The following FGF14 variants were observed in gnomAD, a reference collection of about 807,000 sequenced individuals.
FGF14 encodes the protein fibroblast growth factor homologous factor 4.
A neutral mutation model predicts 25.5 loss-of-function variants in FGF14; 5 were observed. The ratio of observed to expected loss-of-function variants is 0.20; its 90% CI spans 0.10 to 0.41. The LOEUF is 0.41. Among genes scored for constraint, FGF14 ranks in the 10% least tolerant of loss-of-function variants. FGF14 has a pLI of 1.00. For missense variants in FGF14, 222 were observed against 320.1 expected, an observed-to-expected ratio of 0.69 and a Z score of 2.34; for synonymous variants, 138 against 118.3, an observed-to-expected ratio of 1.17 and a Z score of -1.08.
At chr13:101,986,358 C>T (rs74983113) in intron 1 of FGF14, among the ~76,000 whole-genome samples, 4,755 of 152,184 alleles carry the variant, frequency 0.031, 228 homozygotes, top group African/African-American at 0.11. Context: ...AAAGCTATGA[C>T]ACAATAATAG....
rs2034679819 is a variant in FGF14, at chr13:101,715,545, A to G, written c.*7286T>C. Reference sequence around the variant, plus strand: ...CATTTTGATCATAATCATGATACCTATATGTATTTTATTGCAGGGAATGGA... The same window carrying G: ...CATTTTGATCATAATCATGATACCTGTATGTATTTTATTGCAGGGAATGGA... On this transcript the variant is annotated 3_prime_UTR_variant, in exon 5 of 5. Transcript: ENST00000376143. The G allele has an allele frequency of 1.2e-5, 18 of 1,544,316 alleles. No homozygotes were observed. In the East Asian group the frequency reaches 2.0e-4, roughly 17 times the overall value.
In FGF14 at chr13:102,278,627, AATATAT is replaced by A. The variant is rs10578533; in HGVS notation, c.208+122838_208+122843del. Among the ~76,000 whole-genome samples, 449 of 147,514 alleles carry A rather than the reference AATATAT, an allele frequency of 3.0e-3. 1 individual carries two copies. Among genetic ancestry groups the A allele is most frequent in the Middle Eastern group, 0.01 (3 of 288 alleles). Reference sequence around the variant, plus strand: ...GTGTCACTCTACATACATTTTATGTAATATATATATATATATATACATACACACACA... The same window carrying A: ...GTGTCACTCTACATACATTTTATGTAATATATATATATACATACACACACA... On this transcript the variant is annotated intron_variant, in intron 1 of 4. Transcript: ENST00000376131.
At chr13:102,158,956 T>C (rs950719998) in intron 1 of FGF14, among the ~76,000 whole-genome samples, 1 of 151,598 alleles carries the variant, frequency 6.6e-6, no homozygotes, top group Admixed American at 6.6e-5. Flanking sequence ...CTGACCAACA[T>C]GGTGAAACAC....
intron 3 of FGF14, among the ~76,000 whole-genome samples, chr13:101,834,095 G>A (rs928874070): frequency 2.6e-5 from 4 of 151,972 alleles, no homozygotes; most frequent in African/African-American, 9.7e-5. Context: ...AATAGAGACT[G>A]AAAAAATGTG....
intron 3 of FGF14, among the ~76,000 whole-genome samples, chr13:101,867,573 A>G (rs2044779274): frequency 6.6e-6 from 1 of 152,204 alleles, no homozygotes; most frequent in Non-Finnish European, 1.5e-5. Flanking sequence ...CTGAAAATAA[A>G]GCATCTCTAG....
chr13:101,971,715 G>A (rs1015803543), intron 1 of FGF14, among the ~76,000 whole-genome samples: 1 of 152,196 alleles, frequency 6.6e-6, no homozygotes, highest in African/African-American at 2.4e-5. Flanking sequence ...CCATTTCACA[G>A]ATGAGAGAAA....
intron 1 of FGF14, among the ~76,000 whole-genome samples, chr13:102,275,582 C>T (rs2053496256): frequency 6.6e-6 from 1 of 152,146 alleles, no homozygotes; most frequent in Non-Finnish European, 1.5e-5. Context: ...TGCCAATAAT[C>T]TCAACAGCTG....
intron 1 of FGF14, among the ~76,000 whole-genome samples, chr13:102,072,331 T>C: frequency 6.6e-6 from 1 of 151,970 alleles, no homozygotes; most frequent in Non-Finnish European, 1.5e-5. Context: ...TTAAAATCAA[T>C]AAAAATTGAT....
At chr13:101,820,791 CACACACACACACACA>C (rs1566940619) in intron 3 of FGF14, among the ~76,000 whole-genome samples, 3 of 35,652 alleles carry the variant, frequency 8.4e-5, no homozygotes, top group East Asian at 1.8e-3. Context: ...CACACACACA[CACACACACACACACA>C]ACACACACAC....
At chr13:102,044,357 T>C (rs1437328839) in intron 1 of FGF14, among the ~76,000 whole-genome samples, 1 of 144,284 alleles carries the variant, frequency 6.9e-6, no homozygotes, top group Non-Finnish European at 1.5e-5. Flanking sequence ...ATGATTGCAA[T>C]GATAAAAAAA....
intron 1 of FGF14, among the ~76,000 whole-genome samples, chr13:102,323,888 A>T (rs1566936943): frequency 6.6e-6 from 1 of 151,988 alleles, no homozygotes. Context: ...TATTTCATTA[A>T]GCCTTCAAAC....
intron 1 of FGF14, among the ~76,000 whole-genome samples, chr13:102,275,728 A>G (rs991641567): frequency 6.6e-5 from 10 of 152,172 alleles, no homozygotes; most frequent in African/African-American, 2.2e-4. Flanking sequence ...AGGATTCTGG[A>G]TCCTCCAAGA....
At chr13:101,749,232 AGC>A (rs565846501) in intron 3 of FGF14, among the ~76,000 whole-genome samples, 350 of 152,240 alleles carry the variant, frequency 2.3e-3, no homozygotes, top group African/African-American at 7.9e-3. Context: ...TCTGATGGAC[AGC>A]CATATAAATA....
chr13:101,914,062 C>T (rs920909848), intron 1 of FGF14, among the ~76,000 whole-genome samples: 4 of 151,844 alleles, frequency 2.6e-5, no homozygotes, highest in Admixed American at 6.6e-5. Context: ...CATATAAAAC[C>T]ATCAGACTTA....
chr13:102,054,234 T>C (rs2140070219), intron 1 of FGF14, among the ~76,000 whole-genome samples: 1 of 152,322 alleles, frequency 6.6e-6, no homozygotes, highest in East Asian at 1.9e-4. Flanking sequence ...ATGATCTTGA[T>C]TAATTTTTTC....
intron 1 of FGF14, among the ~76,000 whole-genome samples, chr13:102,382,741 T>C (rs551010102): frequency 1.3e-5 from 2 of 152,148 alleles, no homozygotes; most frequent in African/African-American, 2.4e-5. Context: ...AACTGAAGAA[T>C]GAATTTTAAA....
chr13:102,207,931 C>T (rs1297441735), intron 1 of FGF14, among the ~76,000 whole-genome samples: 1 of 152,152 alleles, frequency 6.6e-6, no homozygotes, highest in Non-Finnish European at 1.5e-5. Context: ...CATAAATCTA[C>T]AGAGTTCACA....
intron 3 of FGF14, among the ~76,000 whole-genome samples, chr13:101,820,976 G>A (rs2042110946): frequency 6.7e-6 from 1 of 149,302 alleles, no homozygotes; most frequent in Admixed American, 6.7e-5. Flanking sequence ...TTGAGACAGA[G>A]TCTCGCTGTC....
At chr13:102,360,884 CAT>C (rs991455682) in intron 1 of FGF14, among the ~76,000 whole-genome samples, 12 of 152,000 alleles carry the variant, frequency 7.9e-5, no homozygotes, top group African/African-American at 2.2e-4. Flanking sequence ...CACACACACA[CAT>C]ACACACACAC....
Sources: gnomAD v4.1 joint callset for allele counts (sites outside exome capture counted in the v4.1 genomes callset) on GRCh38, gnomAD v4.1.1 for gene constraint, MANE v1.5 for transcripts, NCBI Gene and HGNC (gene_info 2026-07-23, HGNC 2026-07-21) for gene names.